The following DCC variants were observed in gnomAD, a reference collection of about 807,000 sequenced individuals.
DCC encodes the protein DCC netrin 1 receptor, also known as netrin receptor DCC.
Under a neutral mutation model 172.5 loss-of-function variants are expected in DCC, and 58 were observed. The ratio of observed to expected loss-of-function variants is 0.34; its 90% CI spans 0.27 to 0.42. The LOEUF (loss-of-function observed/expected upper bound fraction) is 0.42. Among genes scored for constraint, DCC ranks in the 10% least tolerant of loss-of-function variants. The pLI, the probability that DCC is intolerant of heterozygous loss-of-function variation, is 1.00. For synonymous variants in DCC, 709 were observed against 644.5 expected (o/e 1.10, Z -1.52); for missense variants, 1,740 against 1,791.0 (o/e 0.97, Z 0.51).
intron 5 of DCC, among the ~76,000 whole-genome samples, chr18:53,052,658 G>A (rs186293738): frequency 3.3e-5 from 5 of 152,156 alleles, no homozygotes; most frequent in Admixed American, 3.3e-4. Flanking sequence ...AGTTGAAGCA[G>A]CATTCAAACT....
chr18:52,614,133 C>T (rs570717598), intron 1 of DCC, among the ~76,000 whole-genome samples: 1 of 152,244 alleles, frequency 6.6e-6, no homozygotes, highest in South Asian at 2.1e-4. Context: ...TTGCTTCTGT[C>T]GCTGCCAAAG....
chr18:53,416,825 T>G (rs989062764), intron 21 of DCC, among the ~76,000 whole-genome samples: 6 of 152,232 alleles, frequency 3.9e-5, no homozygotes, highest in African/African-American at 1.4e-4. Context: ...TAAGTGGATA[T>G]GAACTTACTA....
chr18:53,268,024 C>A (rs1378524862), intron 12 of DCC, among the ~76,000 whole-genome samples: 1 of 152,158 alleles, frequency 6.6e-6, no homozygotes, highest in Non-Finnish European at 1.5e-5. Flanking sequence ...CACCTTATTG[C>A]AAACTTATTA....
intron 1 of DCC, among the ~76,000 whole-genome samples, chr18:52,716,729 T>G (rs1021542409): frequency 6.6e-6 from 1 of 152,250 alleles, no homozygotes; most frequent in Non-Finnish European, 1.5e-5. Context: ...ATGAGCCTCA[T>G]AAAGACTATG....
At chr18:53,166,077 G>GA (rs1177716141) in intron 8 of DCC, among the ~76,000 whole-genome samples, 1 of 152,150 alleles carries the variant, frequency 6.6e-6, no homozygotes, top group Non-Finnish European at 1.5e-5. Flanking sequence ...TGTCAGTGGA[G>GA]ATGGAGCAGC....
intron 2 of DCC, among the ~76,000 whole-genome samples, chr18:52,803,813 T>C (rs2038037656): frequency 6.6e-6 from 1 of 152,260 alleles, no homozygotes; most frequent in Non-Finnish European, 1.5e-5. Flanking sequence ...TCCAGGAGTT[T>C]GTAAAAGAAT....
chr18:53,144,167 A>G (rs1259016941), intron 7 of DCC, among the ~76,000 whole-genome samples: 1 of 152,196 alleles, frequency 6.6e-6, no homozygotes, highest in African/African-American at 2.4e-5. Flanking sequence ...TAATATGGAA[A>G]ATGTCTCAGA....
At chr18:53,334,686 C>G (rs9954344) in intron 14 of DCC, among the ~76,000 whole-genome samples, 52,226 of 152,092 alleles carry the variant, frequency 0.34, 10,039 homozygotes, top group East Asian at 0.58. Flanking sequence ...CAGTTTTTGT[C>G]ATTTTGTGAT....
intron 11 of DCC, among the ~76,000 whole-genome samples, chr18:53,214,792 A>G (rs1016928456): frequency 1.3e-5 from 2 of 152,182 alleles, no homozygotes; most frequent in African/African-American, 4.8e-5. Flanking sequence ...TTGTTTTTAA[A>G]TTACTCACAT....
rs970992973 is a variant in DCC at position 53,515,855 on chromosome 18, G to A, written c.4112-10762G>A. 5.6e-3 allele frequency among the ~76,000 whole-genome samples: 846 copies of A among 151,854 alleles called. 6 individuals carry two copies. Among genetic ancestry groups the A allele is most frequent in the African/African-American group, 0.016 (675 of 41,206 alleles). On this transcript the variant is annotated intron_variant, in intron 27 of 28. Transcript: ENST00000442544. Reference sequence around the variant, plus strand: ...CTCATGGGTAGGAAGAATCAATATCGTCAAAATGGCCATACTGCCCAAGGT... The same window carrying A: ...CTCATGGGTAGGAAGAATCAATATCATCAAAATGGCCATACTGCCCAAGGT...
At chr18:52,755,624 T>C (rs2037065498) in intron 2 of DCC, among the ~76,000 whole-genome samples, 2 of 152,166 alleles carry the variant, frequency 1.3e-5, no homozygotes, top group Non-Finnish European at 2.9e-5. Context: ...TTCCCAGTAA[T>C]AAAGACCATG....
At chr18:52,422,726 T>C (rs1277073278) in intron 1 of DCC, among the ~76,000 whole-genome samples, 1 of 152,150 alleles carries the variant, frequency 6.6e-6, no homozygotes, top group African/African-American at 2.4e-5. Flanking sequence ...AGGAGTCATG[T>C]AGAAGAAAGG....
chr18:52,925,583 T>C (rs760253080), intron 5 of DCC, among the ~76,000 whole-genome samples: 4 of 152,024 alleles, frequency 2.6e-5, no homozygotes, highest in Non-Finnish European at 4.4e-5. Context: ...AGATATATTA[T>C]GCTTTAGTCT....
chr18:53,282,787 C>G (rs2144731359), intron 12 of DCC, among the ~76,000 whole-genome samples: 1 of 152,170 alleles, frequency 6.6e-6, no homozygotes, highest in Admixed American at 6.6e-5. Context: ...AGTACTCAGC[C>G]TCATGTTATT....
At chr18:53,510,520 A>C (rs1223964409) in intron 27 of DCC, among the ~76,000 whole-genome samples, 1 of 152,218 alleles carries the variant, frequency 6.6e-6, no homozygotes, top group Non-Finnish European at 1.5e-5. Context: ...TATGTGTTTG[A>C]GGAGGCTGGA....
rs1412815147 is a variant in DCC at position 53,201,783 on chromosome 18, CAT to C, written c.1574-3431_1574-3430del. On this transcript the variant is annotated intron_variant, in intron 9 of 28. Transcript: ENST00000442544. ...TTCTCTTAAAGTCTCCTTTTTGGAA[CAT>C]AGAGCTTTTTCATAGAAAAAGTATT... 2.6e-5 allele frequency among the ~76,000 whole-genome samples: 4 copies of C among 152,066 alleles called. No individual in the cohort carries two copies. The East Asian group carries it at 7.7e-4, about 29-fold the overall frequency.
At chr18:52,670,149 G>T (rs2035525835) in intron 1 of DCC, among the ~76,000 whole-genome samples, 1 of 152,212 alleles carries the variant, frequency 6.6e-6, no homozygotes, top group Admixed American at 6.5e-5. Flanking sequence ...ACCCACTGTT[G>T]TCTTTTAAAT....
At chr18:52,976,563 A>G (rs1001893982) in intron 5 of DCC, among the ~76,000 whole-genome samples, 2 of 152,228 alleles carry the variant, frequency 1.3e-5, no homozygotes, top group African/African-American at 4.8e-5. Flanking sequence ...GAACTTTGCA[A>G]GATGACACAA....
chr18:53,135,029 A>T (rs2043718795), intron 7 of DCC, among the ~76,000 whole-genome samples: 1 of 152,188 alleles, frequency 6.6e-6, no homozygotes, highest in African/African-American at 2.4e-5. Context: ...GAACACCAAT[A>T]GGAACCTATA....
Sources: gnomAD v4.1 joint callset for allele counts (sites outside exome capture counted in the v4.1 genomes callset) on GRCh38, gnomAD v4.1.1 for gene constraint, MANE v1.5 for transcripts, NCBI Gene and HGNC (gene_info 2026-07-23, HGNC 2026-07-21) for gene names.